ITSN1: variants seen among roughly 807,000 people sequenced by gnomAD.
ITSN1 encodes the protein intersectin 1, also known as intersectin-1.
A neutral mutation model predicts 239.8 loss-of-function variants in ITSN1; 58 were observed. The observed-to-expected ratio is 0.24, with a 90% CI of 0.20 to 0.30. The LOEUF (loss-of-function observed/expected upper bound fraction) is 0.30, where lower values mean the gene tolerates loss of function less well. ITSN1 is among the 10% of genes least tolerant of loss of function. ITSN1 has a pLI of 1.00. For synonymous variants in ITSN1, 780 were observed against 770.8 expected, an observed-to-expected ratio of 1.01 and a Z score of -0.20; for missense variants, 1,558 against 2,103.3, an observed-to-expected ratio of 0.74 and a Z score of 5.07.
intron 5 of ITSN1, among the ~76,000 whole-genome samples, chr21:33,749,351 A>G (rs564173689): frequency 3.2e-4 from 49 of 152,080 alleles, no homozygotes; most frequent in Non-Finnish European, 6.5e-4. Flanking sequence ...TTGTATAAAG[A>G]TGCTTCCAGG....
rs2069453397 is a variant in ITSN1 at position 33,774,657 on chromosome 21, C to T, written c.1306-72C>T. On this transcript the variant is annotated intron_variant, in intron 12 of 39. Coordinates refer to ENST00000381318, the MANE Select transcript of ITSN1 (RefSeq NM_003024.3). Reference sequence around the variant, plus strand: ...CCTAAAAGGAAAGACTTCCTAGATGCCATTTTTGTGAAAAGACATTGTGTA... The same window carrying T: ...CCTAAAAGGAAAGACTTCCTAGATGTCATTTTTGTGAAAAGACATTGTGTA... 2.8e-6 allele frequency: 4 copies of T among 1,425,564 alleles called. No individual in the cohort carries two copies. In the African/African-American group the frequency reaches 4.3e-5, roughly 15 times the overall value. The allele number at this position is 1,425,564 out of a possible 1,614,324, so 88.3% of individuals were successfully genotyped here.
At chr21:33,658,070 T>C (rs2089242798) in intron 1 of ITSN1, among the ~76,000 whole-genome samples, 1 of 152,212 alleles carries the variant, frequency 6.6e-6, no homozygotes, top group Non-Finnish European at 1.5e-5. Flanking sequence ...ACTGATAACA[T>C]AGTCCATGAA....
intron 33 of ITSN1, among the ~76,000 whole-genome samples, chr21:33,874,788 A>G (rs1335431190): frequency 1.3e-5 from 2 of 151,848 alleles, no homozygotes; most frequent in South Asian, 2.1e-4. Flanking sequence ...AGCTGGGACG[A>G]CAGGCATGCG....
intron 1 of ITSN1, among the ~76,000 whole-genome samples, chr21:33,660,162 T>A (rs555911573): frequency 1.3e-5 from 2 of 152,356 alleles, no homozygotes; most frequent in East Asian, 1.9e-4. Context: ...TAATGGTTGC[T>A]GCTTCCTGAC....
intron 1 of ITSN1, among the ~76,000 whole-genome samples, chr21:33,682,507 G>T (rs986258132): frequency 2.0e-5 from 3 of 150,254 alleles, no homozygotes; most frequent in Admixed American, 2.0e-4. Context: ...GAGCCACATA[G>T]TGCCCAGCCT....
At chr21:33,768,689 G>A (rs1017838007) in intron 11 of ITSN1, among the ~76,000 whole-genome samples, 1 of 152,176 alleles carries the variant, frequency 6.6e-6, no homozygotes, top group African/African-American at 2.4e-5. Flanking sequence ...ATACTAAGAA[G>A]CAAATGAAAT....
intron 34 of ITSN1, among the ~76,000 whole-genome samples, chr21:33,881,204 G>A (rs1391027124): frequency 2.0e-5 from 3 of 151,960 alleles, no homozygotes; most frequent in African/African-American, 7.3e-5. Context: ...TCAGGAGATT[G>A]AGACCATCCT....
rs910414834 is a variant in ITSN1, at chr21:33,897,201, C to G, written c.*8901C>G. ...GACATGCATTTAAAGCCTACATGGCCAATAGCCCAAGTATCTTTGAACTGT... is the reference window on the plus strand; with the variant it reads ...GACATGCATTTAAAGCCTACATGGCGAATAGCCCAAGTATCTTTGAACTGT... On this transcript the variant is annotated 3_prime_UTR_variant, in exon 40 of 40. Coordinates refer to ENST00000381318, the MANE Select transcript of ITSN1 (RefSeq NM_003024.3). 1 of 152,240 alleles carries G rather than the reference C, an allele frequency of 6.6e-6. No individual in the cohort carries two copies. The highest frequency in any genetic ancestry group is 1.5e-5 in the Non-Finnish European group (1 of 68,042). 9.4% of individuals were successfully genotyped at this position (152,240 alleles called of 1,614,324 possible).
rs186580443 is a variant in ITSN1, at chr21:33,788,471, C to A, written c.1825-5870C>A. Among the ~76,000 whole-genome samples, 77 of 152,296 alleles carry A rather than the reference C, an allele frequency of 5.1e-4. 1 individual carries two copies. The East Asian group carries it at 0.013, about 26-fold the overall frequency. On this transcript the variant is annotated intron_variant, in intron 16 of 39. Transcript: ENST00000381318. ...TCAGGCCAGGTGCAGTGGCTCATGC[C>A]TATAATCCTAACACTTTGGGAGTTC...
intron 34 of ITSN1, among the ~76,000 whole-genome samples, chr21:33,875,765 C>T (rs1018510372): frequency 3.9e-5 from 6 of 152,198 alleles, no homozygotes; most frequent in African/African-American, 1.4e-4. Flanking sequence ...ACTGCAACCT[C>T]CGCCTCCCCG....
At chr21:33,854,942 G>C (rs1490874587) in intron 29 of ITSN1, among the ~76,000 whole-genome samples, 1 of 152,166 alleles carries the variant, frequency 6.6e-6, no homozygotes, top group Non-Finnish European at 1.5e-5. Flanking sequence ...TCCTGTCCCA[G>C]CAAGAGAAGC....
chr21:33,714,909 A>C (rs777734945), intron 1 of ITSN1, among the ~76,000 whole-genome samples: 1 of 152,168 alleles, frequency 6.6e-6, no homozygotes, highest in Non-Finnish European at 1.5e-5. Context: ...CTATTGTACA[A>C]ATTCTAGGAT....
At chr21:33,723,694 G>C (rs944498674) in intron 4 of ITSN1, among the ~76,000 whole-genome samples, 10 of 152,140 alleles carry the variant, frequency 6.6e-5, no homozygotes, top group African/African-American at 2.4e-4. Flanking sequence ...TCTCTGATTT[G>C]GAGATACAGT....
intron 17 of ITSN1, among the ~76,000 whole-genome samples, chr21:33,796,555 C>G (rs1442602665): frequency 6.6e-6 from 1 of 152,152 alleles, no homozygotes; most frequent in South Asian, 2.1e-4. Context: ...CACAGGATGG[C>G]AGTTCAGGGT....
At chr21:33,757,202 G>A (rs1212291617) in intron 8 of ITSN1, 2 of 152,102 alleles carry the variant, frequency 1.3e-5, no homozygotes, top group African/African-American at 4.8e-5. Flanking sequence ...TGTTTGCTGT[G>A]AGTTGATTAA....
intron 29 of ITSN1, among the ~76,000 whole-genome samples, chr21:33,838,935 C>G (rs896179714): frequency 6.6e-6 from 1 of 152,220 alleles, no homozygotes; most frequent in Non-Finnish European, 1.5e-5. Context: ...TGTCTGGGAT[C>G]GGCTTCTGCC....
chr21:33,682,163 G>T (rs2090998571), intron 1 of ITSN1, among the ~76,000 whole-genome samples: 1 of 150,558 alleles, frequency 6.6e-6, no homozygotes, highest in African/African-American at 2.4e-5. Flanking sequence ...GGCTACTCAG[G>T]ACAACTATTG....
At chr21:33,811,453 A>T (rs1008427330) in intron 21 of ITSN1, among the ~76,000 whole-genome samples, 1 of 152,200 alleles carries the variant, frequency 6.6e-6, no homozygotes, top group Admixed American at 6.5e-5. Context: ...GAAGCCTGTT[A>T]TCTTGTTTTG....
intron 14 of ITSN1, among the ~76,000 whole-genome samples, chr21:33,780,453 T>C (rs2070068318): frequency 6.6e-6 from 1 of 152,218 alleles, no homozygotes; most frequent in South Asian, 2.1e-4. Flanking sequence ...TATTCTGTTT[T>C]ATCAAGATTT....
Sources: gnomAD v4.1 joint callset for allele counts (sites outside exome capture counted in the v4.1 genomes callset) on GRCh38, gnomAD v4.1.1 for gene constraint, MANE v1.5 for transcripts, NCBI Gene and HGNC (gene_info 2026-07-23, HGNC 2026-07-21) for gene names.